SSC5D: variants seen among roughly 807,000 people sequenced by gnomAD.
The protein encoded by SSC5D is scavenger receptor cysteine rich family member with 5 domains, also known as soluble scavenger receptor cysteine-rich domain-containing protein SSC5D.
A neutral mutation model predicts 104.6 loss-of-function variants in SSC5D; 106 were observed. The observed-to-expected ratio is 1.01, with a 90% CI of 0.87 to 1.19. The LOEUF is 1.19. Among genes scored for constraint, SSC5D ranks in the 50% most tolerant of loss-of-function variants. The probability of loss-of-function intolerance (pLI) is 0.00; values close to 1 mark genes in which losing one functional copy is unlikely to be tolerated. For synonymous variants in SSC5D, 860 were observed against 883.5 expected (o/e 0.97, Z 0.47); for missense variants, 1,993 against 2,153.8 (o/e 0.93, Z 1.48).
At chr19:55,498,320 C>T (rs768446464) in intron 9 of SSC5D, 123 bp downstream of exon 9, 20 of 930,404 alleles carry the variant, frequency 2.1e-5, no homozygotes, top group Non-Finnish European at 3.3e-5. Context: ...GGTGTTTTTG[C>T]ACATATAACC....
intron 12 of SSC5D, 47 bp from the exon 13 acceptor site, chr19:55,512,964 T>C: frequency 6.4e-7 from 1 of 1,550,828 alleles, no homozygotes; most frequent in Non-Finnish European, 8.7e-7. Flanking sequence ...GGAGTCAAAC[T>C]CAAAGGGAAG....
chr19:55,488,902 G>GTGTGTGTGTGTGTA, intron 1 of SSC5D, 104 bp from the exon 2 acceptor site: 3 of 132,410 alleles, frequency 2.3e-5, no homozygotes. Context: ...GTGTGTGTGT[G>GTGTGTGTGTGTGTA]TGTGTGTGTG....
intron 8 of SSC5D, among the ~76,000 whole-genome samples, chr19:55,496,647 G>T (rs556221154): frequency 5.4e-4 from 83 of 152,304 alleles, no homozygotes; most frequent in African/African-American, 2.0e-3. Context: ...TGAGAAATGG[G>T]AGAGCCAGGA....
chr19:55,502,632 T>G (rs891235396), intron 12 of SSC5D, among the ~76,000 whole-genome samples: 2 of 152,136 alleles, frequency 1.3e-5, no homozygotes, highest in South Asian at 4.1e-4. Flanking sequence ...CACCTCTGTT[T>G]CTCACTCCAT....
At chr19:55,495,891 G>A (rs922724121) in intron 8 of SSC5D, among the ~76,000 whole-genome samples, 1 of 149,074 alleles carries the variant, frequency 6.7e-6, no homozygotes, top group Non-Finnish European at 1.5e-5. Flanking sequence ...GCATGCCACC[G>A]AGCCTGGCTA....
intron 12 of SSC5D, among the ~76,000 whole-genome samples, chr19:55,512,034 T>G (rs1029658405): frequency 6.6e-6 from 1 of 151,950 alleles, no homozygotes; most frequent in Non-Finnish European, 1.5e-5. Context: ...ACGTGACCTG[T>G]ATCTCAAGGA....
rs759577628 is a variant in SSC5D at position 55,518,485 on chromosome 19, C to T, written c.4209C>T (p.Asp1403=). 3.2e-6 allele frequency: 5 copies of T among 1,551,410 alleles called. No homozygotes were observed. The highest frequency in any genetic ancestry group is 4.4e-6 in the Non-Finnish European group (5 of 1,146,956). Residue 1403 remains aspartate (D), a synonymous_variant, in exon 14 of 14, where the codon GAC becomes GAT. Transcript: ENST00000389623. The stretch of plus-strand genomic sequence containing the variant: ...GGTCCTCCACAGCCACAAGCATGGA[C>T]CCACTGTCCACTGAGGACTTCAAGC... ...PSRSSTATSM[D]PLSTEDFKPP...
chr19:55,513,177 G>A lies in SSC5D; in HGVS notation c.2947+5G>A, dbSNP rs2123457267. 1 of 1,490,354 alleles carries A rather than the reference G, an allele frequency of 6.7e-7. No individual in the cohort carries two copies. The highest frequency in any genetic ancestry group is 2.5e-5 in the East Asian group (1 of 40,346). The allele number at this position is 1,490,354 out of a possible 1,614,324, so 92.3% of individuals were successfully genotyped here. On this transcript the variant is annotated splice_donor_5th_base_variant and intron_variant, in intron 13 of 13. Coordinates refer to ENST00000389623, the MANE Select transcript of SSC5D (RefSeq NM_001144950.2). ...TGAGAGTCCATGGAGACACAGGTGAGACACGTGGCTGGGGTGAGGAGACTG... is the reference window on the plus strand; with the variant it reads ...TGAGAGTCCATGGAGACACAGGTGAAACACGTGGCTGGGGTGAGGAGACTG...
At chr19:55,509,609 C>A (rs1396297258) in intron 12 of SSC5D, among the ~76,000 whole-genome samples, 1 of 149,994 alleles carries the variant, frequency 6.7e-6, no homozygotes, top group African/African-American at 2.5e-5. Context: ...GTAATCCCAG[C>A]ACTTTGAGAG....
chr19:55,507,728 T>C (rs1163689217), intron 12 of SSC5D, among the ~76,000 whole-genome samples: 1 of 141,174 alleles, frequency 7.1e-6, no homozygotes, highest in Non-Finnish European at 1.5e-5. Flanking sequence ...GCCATTTAAG[T>C]GAGAAGGCCC....
chr19:55,488,530 C>T lies in SSC5D; in HGVS notation c.-60C>T. 6.7e-7 allele frequency: 1 copy of T among 1,498,136 alleles called. No individual in the cohort carries two copies. The highest frequency in any genetic ancestry group is 9.1e-7 in the Non-Finnish European group (1 of 1,099,632). 92.8% of individuals were successfully genotyped at this position (1,498,136 alleles called of 1,614,324 possible). A position where few individuals can be genotyped will look rare whatever the true frequency, so the allele number is the denominator to read the frequency against. ...CCCTCCCTCTCTCCCCAGCTGCCTC[C>T]TCCTCTTCTCTCCCCGCTCTCCTTC... On this transcript the variant is annotated 5_prime_UTR_variant, in exon 1 of 14. Transcript: ENST00000389623.
At position 55,493,632 on chromosome 19, in the gene SSC5D, C is replaced by A; in HGVS notation, c.933C>A (p.His311Gln). 2 of 1,490,438 alleles carry A rather than the reference C, an allele frequency of 1.3e-6. No homozygotes were observed. The highest frequency in any genetic ancestry group is 1.8e-6 in the Non-Finnish European group (2 of 1,129,466). 92.3% of individuals were successfully genotyped at this position (1,490,438 alleles called of 1,614,324 possible). Residue 311 changes from histidine to glutamine, a missense_variant, in exon 7 of 14, where the codon CAC becomes CAA. Coordinates refer to ENST00000389623, the MANE Select transcript of SSC5D (RefSeq NM_001144950.2). The part of the protein sequence containing the change: ...APRLRLADGP[H>Q]GCAGRLEVWH... Reference sequence around the variant, plus strand: ...GGCTGCGCCTGGCCGATGGCCCCCACGGGTGCGCCGGCCGCCTGGAGGTCT... The same window carrying A: ...GGCTGCGCCTGGCCGATGGCCCCCAAGGGTGCGCCGGCCGCCTGGAGGTCT...
rs1231670765 is a variant in SSC5D at position 55,517,221 on chromosome 19, C to T, written c.2948-3C>T. ...CGTCCGTCTGTCTTTCCTCCTCCTC[C>T]AGGTTCCCCGAGGAAACCGTGGCCC... On this transcript the variant is annotated splice_polypyrimidine_tract_variant and splice_region_variant and intron_variant, in intron 13 of 13. Transcript: ENST00000389623. 12 of 1,535,922 alleles carry T rather than the reference C, an allele frequency of 7.8e-6. No homozygotes were observed. The highest frequency in any genetic ancestry group is 1.0e-5 in the Non-Finnish European group (12 of 1,145,736).
intron 12 of SSC5D, among the ~76,000 whole-genome samples, chr19:55,505,447 C>T (rs1433082750): frequency 1.3e-5 from 2 of 151,762 alleles, no homozygotes; most frequent in Admixed American, 6.6e-5. Context: ...CATAATACAT[C>T]GCCACAAATT....
intron 12 of SSC5D, among the ~76,000 whole-genome samples, chr19:55,509,390 C>T (rs1266332935): frequency 1.3e-5 from 2 of 152,082 alleles, no homozygotes; most frequent in Non-Finnish European, 2.9e-5. Flanking sequence ...GCCCATGAGC[C>T]TAAGGACATG....
At chr19:55,502,309 T>C (rs1281711012) in intron 12 of SSC5D, among the ~76,000 whole-genome samples, 7 of 152,158 alleles carry the variant, frequency 4.6e-5, no homozygotes, top group African/African-American at 1.7e-4. Context: ...CTTTATGCCG[T>C]ATTTTTTTCA....
Position 55,493,712 on chromosome 19 carries a change from C to T in SSC5D, c.1013C>T (p.Ala338Val), listed in dbSNP as rs1405601596. The change falls in exon 7 of 14, where the codon GCC (alanine) becomes GTC (valine). Residue 338 changes from alanine (A) to valine (V), a missense_variant. Physicochemically the swap from Ala to Val is moderately conservative, Grantham distance 64. Around this residue, in one of 6 missense-constraint regions of SSC5D, gnomAD observed 1,101 missense variants for 1,085.0 expected, o/e 1.01. Transcript: ENST00000389623. ...VCDDAWDLRDAAVACRELGCG... is the reference protein window; with the variant it reads ...VCDDAWDLRDVAVACRELGCG... Reference sequence around the variant, plus strand: ...GACGACGCCTGGGACCTGCGAGACGCCGCTGTGGCCTGCCGAGAGCTGGGC... The same window carrying T: ...GACGACGCCTGGGACCTGCGAGACGTCGCTGTGGCCTGCCGAGAGCTGGGC... The T allele has an allele frequency of 2.0e-6, 3 of 1,514,504 alleles. No homozygotes were observed. Among genetic ancestry groups the T allele is most frequent in the Non-Finnish European group, 2.6e-6 (3 of 1,135,768 alleles). 93.8% of individuals were successfully genotyped at this position (1,514,504 alleles called of 1,614,324 possible).
intron 2 of SSC5D, 72 bp downstream of exon 2, chr19:55,489,104 G>T: frequency 1.1e-6 from 1 of 916,020 alleles, no homozygotes; most frequent in Non-Finnish European, 1.5e-6. Context: ...TCCAGGCCTG[G>T]CCTCACCCCC....
intron 13 of SSC5D, 101 bp from the exon 14 acceptor site, chr19:55,517,123 G>A (rs994481002): frequency 1.8e-6 from 2 of 1,123,996 alleles, no homozygotes; most frequent in African/African-American, 1.5e-5. Context: ...TCGAGGCTCT[G>A]TGCCTTTCCA....
Sources: gnomAD v4.1 joint callset for allele counts (sites outside exome capture counted in the v4.1 genomes callset) on GRCh38, gnomAD v4.1.1 for gene constraint, gnomAD v4.1.1 regional missense constraint, MANE v1.5 for transcripts, NCBI Gene and HGNC (gene_info 2026-07-23, HGNC 2026-07-21) for gene names.